CMIP: variants seen among roughly 807,000 people sequenced by gnomAD.
CMIP encodes C-Maf-inducing protein.
Under a neutral mutation model 97.3 loss-of-function variants are expected in CMIP, and 13 were observed. The ratio of observed to expected loss-of-function variants is 0.13; its 90% confidence interval spans 0.09 to 0.21. The LOEUF (loss-of-function observed/expected upper bound fraction) is 0.21. CMIP is among the 10% of genes least tolerant of loss of function. The pLI, the probability that CMIP is intolerant of heterozygous loss-of-function variation, is 1.00. For synonymous variants in CMIP, 538 were observed against 436.3 expected (o/e 1.23, Z -2.91); for missense variants, 847 against 1,024.9 (o/e 0.83, Z 2.37).
rs181705101 is a variant in CMIP at position 81,667,754 on chromosome 16, G to C, written c.826-2388G>C. On this transcript the variant is annotated intron_variant, in intron 7 of 20. Coordinates refer to ENST00000537098, the MANE Select transcript of CMIP (RefSeq NM_198390.3). ...CATTTTCTAACCCAGGAGGGAGGGA[G>C]GGAGGGAGAGAAAGAGAGAGAGAGA... Among the ~76,000 whole-genome samples, 1,116 of 144,624 alleles carry C rather than the reference G, an allele frequency of 7.7e-3. 9 individuals carry two copies. Among genetic ancestry groups the C allele is most frequent in the Non-Finnish European group, 0.014 (909 of 65,822 alleles). The allele number at this position is 144,624 out of a possible 152,430, so 94.9% of individuals were successfully genotyped here.
intron 1 of CMIP, among the ~76,000 whole-genome samples, chr16:81,478,562 C>G (rs891823562): frequency 1.1e-4 from 17 of 152,150 alleles, no homozygotes; most frequent in African/African-American, 3.9e-4. Flanking sequence ...TGGAAGGGAT[C>G]TCATGCAGGG....
intron 1 of CMIP, among the ~76,000 whole-genome samples, chr16:81,526,398 T>TCA (rs757929305): frequency 7.2e-5 from 11 of 152,254 alleles, no homozygotes; most frequent in Non-Finnish European, 1.5e-4. Flanking sequence ...TGTGACTTAG[T>TCA]CATCAATAGA....
intron 2 of CMIP, among the ~76,000 whole-genome samples, chr16:81,612,673 G>A (rs1025761222): frequency 6.6e-6 from 1 of 152,182 alleles, no homozygotes; most frequent in East Asian, 1.9e-4. Context: ...AGGAAATTGG[G>A]CAGCGTTTGC....
Position 81,709,809 on chromosome 16 carries a change from C to T in CMIP, c.*10C>T, listed in dbSNP as rs1908560081. On this transcript the variant is annotated 3_prime_UTR_variant, in exon 21 of 21. Coordinates refer to ENST00000537098, the MANE Select transcript of CMIP (RefSeq NM_198390.3). ...CACCGAAGCCTGGTGAAGCTCCCAG[C>T]TCAAGGCAGGAAGACGTTTGCAACC... 4 of 1,613,806 alleles carry T rather than the reference C, an allele frequency of 2.5e-6. No homozygotes were observed. The highest frequency in any genetic ancestry group is 3.3e-4 in the Middle Eastern group (2 of 6,050).
intron 1 of CMIP, chr16:81,476,401 C>T (rs538694230): frequency 2.9e-4 from 319 of 1,112,948 alleles, no homozygotes; most frequent in Non-Finnish European, 4.1e-4. Context: ...CTCTCCAGTG[C>T]TCAGAGCGTG....
At chr16:81,618,342 C>G (rs191193525) in intron 2 of CMIP, among the ~76,000 whole-genome samples, 1 of 152,306 alleles carries the variant, frequency 6.6e-6, no homozygotes, top group East Asian at 1.9e-4. Flanking sequence ...ACTCTGCCCT[C>G]CTGCCTCCCT....
At chr16:81,609,587 A>T (rs2091798152) in intron 2 of CMIP, among the ~76,000 whole-genome samples, 1 of 152,230 alleles carries the variant, frequency 6.6e-6, no homozygotes, top group African/African-American at 2.4e-5. Flanking sequence ...TAATGGCTAA[A>T]TTAGAGGCAA....
rs189317350 is a variant in CMIP, at chr16:81,649,256, T to C, written c.478-2947T>C. 2.3e-4 allele frequency among the ~76,000 whole-genome samples: 35 copies of C among 152,384 alleles called. No individual in the cohort carries two copies. In the East Asian group the frequency reaches 6.7e-3, roughly 29 times the overall value. On this transcript the variant is annotated intron_variant, in intron 3 of 20. Coordinates refer to ENST00000537098, the MANE Select transcript of CMIP (RefSeq NM_198390.3). ...CAGCCTCTGCAGACTCTCCCATGGA[T>C]GCCTGTGAGGCAAGGGCTTGGGCCC...
chr16:81,485,457 T>G (rs2089299905), intron 1 of CMIP, among the ~76,000 whole-genome samples: 1 of 152,208 alleles, frequency 6.6e-6, no homozygotes, highest in South Asian at 2.1e-4. Flanking sequence ...AAACCAGCTG[T>G]GCCTGTGGAC....
intron 2 of CMIP, among the ~76,000 whole-genome samples, chr16:81,612,642 A>G (rs774943455): frequency 2.0e-5 from 3 of 152,234 alleles, no homozygotes; most frequent in Non-Finnish European, 4.4e-5. Context: ...ACAATGAGAA[A>G]GAACTTGGCA....
intron 9 of CMIP, among the ~76,000 whole-genome samples, chr16:81,676,966 C>T (rs181163306): frequency 8.5e-5 from 13 of 152,308 alleles, no homozygotes; most frequent in East Asian, 1.9e-4. Flanking sequence ...CCGTTGTGCT[C>T]GAAGTCTTGG....
chr16:81,482,435 G>C (rs1464758246), intron 1 of CMIP, among the ~76,000 whole-genome samples: 1 of 152,148 alleles, frequency 6.6e-6, no homozygotes, highest in African/African-American at 2.4e-5. Flanking sequence ...GGTGCTGGGC[G>C]CCTAAGTACC....
intron 1 of CMIP, among the ~76,000 whole-genome samples, chr16:81,448,387 C>A (rs558260581): frequency 9.8e-5 from 15 of 152,358 alleles, no homozygotes; most frequent in Admixed American, 5.9e-4. Flanking sequence ...GATTTAAGAC[C>A]GTGCTTCCAG....
rs1277888395 is a variant in CMIP, at chr16:81,614,957, G to T, written c.427-5919G>T. 6.7e-6 allele frequency among the ~76,000 whole-genome samples: 1 copy of T among 150,296 alleles called. No individual in the cohort carries two copies. The highest frequency in any genetic ancestry group is 2.5e-5 in the African/African-American group (1 of 40,732). ...CTGTGTGTGGTGTGTGCATGTGTGT[G>T]GTGTGTTGTGTGATATGTGACGTGT... On this transcript the variant is annotated intron_variant, in intron 2 of 20. Coordinates refer to ENST00000537098, the MANE Select transcript of CMIP (RefSeq NM_198390.3). The surrounding 1 kb of genome is among the most constrained non-coding windows in gnomAD (Gnocchi z 5.3).
chr16:81,628,245 G>C (rs1223865677), intron 3 of CMIP, among the ~76,000 whole-genome samples: 3 of 152,118 alleles, frequency 2.0e-5, no homozygotes, highest in Non-Finnish European at 2.9e-5. Flanking sequence ...CCCTGGGGAA[G>C]AGCCACTCCT....
At chr16:81,626,582 T>G (rs2092069116) in intron 3 of CMIP, among the ~76,000 whole-genome samples, 1 of 143,614 alleles carries the variant, frequency 7.0e-6, no homozygotes, top group Admixed American at 6.9e-5. Flanking sequence ...CTTATGAGTG[T>G]GTGAGTGGTG....
intron 20 of CMIP, 62 bp downstream of exon 20, chr16:81,707,146 G>C (rs977470610): frequency 1.4e-6 from 2 of 1,384,672 alleles, no homozygotes; most frequent in Non-Finnish European, 2.1e-6. Flanking sequence ...TCTGGATGCT[G>C]GTGCATCTCC....
At chr16:81,601,344 T>A (rs1244778652) in intron 1 of CMIP, among the ~76,000 whole-genome samples, 1 of 152,058 alleles carries the variant, frequency 6.6e-6, no homozygotes, top group Non-Finnish European at 1.5e-5. Context: ...GGGAGCTGGC[T>A]CACCACAAAG....
At chr16:81,507,570 G>A (rs7198696) in intron 1 of CMIP, among the ~76,000 whole-genome samples, 62,192 of 152,084 alleles carry the variant, frequency 0.41, 13,185 homozygotes, top group African/African-American at 0.52. Flanking sequence ...GGTGCGTAAT[G>A]TAAAACATGG....
Sources: gnomAD v4.1 joint callset for allele counts (sites outside exome capture counted in the v4.1 genomes callset) on GRCh38, gnomAD v4.1.1 for gene constraint, Gnocchi (gnomAD v3.1) non-coding constraint, MANE v1.5 for transcripts, NCBI Gene and HGNC (gene_info 2026-07-23, HGNC 2026-07-21) for gene names.